Variants in OSBPL1A observed in about 807,000 individuals in gnomAD.
OSBPL1A encodes the protein oxysterol binding protein like 1A, also known as oxysterol-binding protein-related protein 1.
In OSBPL1A, 80 loss-of-function variants were observed where a neutral mutation model predicts 137.1. The observed-to-expected ratio is 0.58, with a 90% CI of 0.49 to 0.70. The LOEUF (loss-of-function observed/expected upper bound fraction) is 0.70, where lower values mean the gene tolerates loss of function less well. Among genes scored for constraint, OSBPL1A ranks in the 30% least tolerant of loss-of-function variants. OSBPL1A has a pLI of 0.00. For missense variants in OSBPL1A, 970 were observed against 1,129.4 expected, an observed-to-expected ratio of 0.86 and a Z score of 2.02; for synonymous variants, 365 against 389.7, an observed-to-expected ratio of 0.94 and a Z score of 0.75.
At chr18:24,374,690 C>A (rs77493885) in intron 2 of OSBPL1A, among the ~76,000 whole-genome samples, 9,941 of 152,236 alleles carry the variant, frequency 0.065, 405 homozygotes, top group Non-Finnish European at 0.093. Flanking sequence ...ATTGAACCAG[C>A]AAGCCTAGGC....
intron 13 of OSBPL1A, among the ~76,000 whole-genome samples, chr18:24,305,813 G>A (rs142752624): frequency 7.2e-5 from 11 of 152,222 alleles, no homozygotes; most frequent in South Asian, 6.2e-4. Context: ...TGAACAAGCC[G>A]CATAGGATCT....
intron 5 of OSBPL1A, among the ~76,000 whole-genome samples, chr18:24,336,708 G>A (rs545273281): frequency 8.1e-4 from 123 of 152,108 alleles, no homozygotes; most frequent in Non-Finnish European, 1.5e-3. Flanking sequence ...GATCTTAGAG[G>A]TCACAAAGTC....
At chr18:24,365,422 T>C (rs760319895) in intron 4 of OSBPL1A, among the ~76,000 whole-genome samples, 10 of 152,114 alleles carry the variant, frequency 6.6e-5, no homozygotes, top group Non-Finnish European at 1.3e-4. Flanking sequence ...CCATCTCTAC[T>C]AAAAATCCAA....
At chr18:24,215,532 ATTTT>A (rs972543876) in intron 17 of OSBPL1A, among the ~76,000 whole-genome samples, 1 of 152,062 alleles carries the variant, frequency 6.6e-6, no homozygotes, top group African/African-American at 2.4e-5. Context: ...TTACCTTGCA[ATTTT>A]TTTATTATTA....
chr18:24,237,052 C>T (rs1214710098), intron 16 of OSBPL1A, among the ~76,000 whole-genome samples: 1 of 151,614 alleles, frequency 6.6e-6, no homozygotes, highest in Non-Finnish European at 1.5e-5. Flanking sequence ...AAAGCAAGTC[C>T]AGGGCAATTA....
chr18:24,178,276 C>T, intron 20 of OSBPL1A, 81 bp from the exon 21 acceptor site: 1 of 1,232,530 alleles, frequency 8.1e-7, no homozygotes, highest in South Asian at 1.7e-5. Context: ...ACATAATTGC[C>T]CTTTCAAAGT....
chr18:24,350,684 T>G (rs2091423181), intron 4 of OSBPL1A, among the ~76,000 whole-genome samples: 1 of 152,094 alleles, frequency 6.6e-6, no homozygotes, highest in Admixed American at 6.6e-5. Flanking sequence ...ACTAGACTTC[T>G]CAACAACAAC....
chr18:24,176,469 C>G (rs1293006362), intron 21 of OSBPL1A, among the ~76,000 whole-genome samples: 2 of 149,438 alleles, frequency 1.3e-5, no homozygotes, highest in East Asian at 3.9e-4. Context: ...TCCAAAAATA[C>G]TTCTATTTTT....
intron 21 of OSBPL1A, among the ~76,000 whole-genome samples, chr18:24,175,050 AT>A (rs1177304158): frequency 6.9e-6 from 1 of 145,334 alleles, no homozygotes; most frequent in Non-Finnish European, 1.5e-5. Context: ...AGTAACTGGA[AT>A]TATAGGTGTG....
At chr18:24,274,194 G>A (rs1357037297) in intron 15 of OSBPL1A, among the ~76,000 whole-genome samples, 3 of 143,958 alleles carry the variant, frequency 2.1e-5, no homozygotes, top group Admixed American at 7.1e-5. Flanking sequence ...AGACTGTGTC[G>A]CTGTACTCTA....
intron 26 of OSBPL1A, 54 bp from the exon 27 acceptor site, chr18:24,165,209 G>T (rs1264786523): frequency 2.0e-6 from 3 of 1,491,134 alleles, no homozygotes; most frequent in Admixed American, 3.4e-5. Context: ...AGGATGCCAG[G>T]CACAGTATTA....
chr18:24,377,909 A>C (rs1200451248), intron 1 of OSBPL1A, among the ~76,000 whole-genome samples: 1 of 152,200 alleles, frequency 6.6e-6, no homozygotes, highest in South Asian at 2.1e-4. Flanking sequence ...GGAAAAAACA[A>C]AATTAGAGAT....
intron 17 of OSBPL1A, among the ~76,000 whole-genome samples, chr18:24,212,226 C>T (rs955011813): frequency 4.7e-5 from 7 of 149,980 alleles, no homozygotes; most frequent in African/African-American, 1.7e-4. Flanking sequence ...CACCACCACA[C>T]CTGGCTAATT....
chr18:24,293,525 G>A (rs2090229248), intron 14 of OSBPL1A, among the ~76,000 whole-genome samples: 1 of 152,236 alleles, frequency 6.6e-6, no homozygotes, highest in African/African-American at 2.4e-5. Flanking sequence ...AGACGAGGAG[G>A]AGCAAACCAG....
chr18:24,316,114 T>G (rs1280811304), intron 11 of OSBPL1A, among the ~76,000 whole-genome samples: 1 of 151,060 alleles, frequency 6.6e-6, no homozygotes, highest in Non-Finnish European at 1.5e-5. Flanking sequence ...ACACAAAAAT[T>G]AGCCGGGCAT....
rs190033459 is a variant in OSBPL1A, at chr18:24,185,936, C to T, written c.1678-4657G>A. On this transcript the variant is annotated intron_variant, in intron 18 of 27. Coordinates refer to ENST00000319481, the MANE Select transcript of OSBPL1A (RefSeq NM_080597.4). The stretch of plus-strand genomic sequence containing the variant: ...TTAGAAAACTAGCTAAGTGTGGGGG[C>T]GTGCATCTGTAGTCCCAGCTTCTTG... Among the ~76,000 whole-genome samples the T allele has an allele frequency of 2.4e-3, 371 of 152,092 alleles. 4 individuals carry two copies. Among genetic ancestry groups the T allele is most frequent in the South Asian group, 2.7e-3 (13 of 4,812 alleles).
intron 17 of OSBPL1A, among the ~76,000 whole-genome samples, chr18:24,218,598 T>C (rs916527418): frequency 6.6e-6 from 1 of 152,106 alleles, no homozygotes; most frequent in Non-Finnish European, 1.5e-5. Flanking sequence ...CATGCACTAC[T>C]GCGCCTGGCT....
At chr18:24,204,453 TC>T (rs2087312522) in intron 17 of OSBPL1A, among the ~76,000 whole-genome samples, 2 of 152,172 alleles carry the variant, frequency 1.3e-5, no homozygotes, top group Non-Finnish European at 2.9e-5. Context: ...CATGGTACCA[TC>T]TGCAGGTTAA....
At chr18:24,170,559 C>T (rs2086252846) in intron 23 of OSBPL1A, 106 bp from the exon 24 acceptor site, 1 of 1,267,830 alleles carries the variant, frequency 7.9e-7, no homozygotes, top group African/African-American at 1.5e-5. Context: ...CTAACCAGGC[C>T]TGACCCTGCT....
Sources: gnomAD v4.1 joint callset for allele counts (sites outside exome capture counted in the v4.1 genomes callset) on GRCh38, gnomAD v4.1.1 for gene constraint, MANE v1.5 for transcripts, NCBI Gene and HGNC (gene_info 2026-07-23, HGNC 2026-07-21) for gene names.